ADAMTS14: variants seen among roughly 807,000 people sequenced by gnomAD.
The protein encoded by ADAMTS14 is ADAM metallopeptidase with thrombospondin type 1 motif 14.
A neutral mutation model predicts 128.6 loss-of-function variants in ADAMTS14; 100 were observed. The ratio of observed to expected loss-of-function variants is 0.78; its 90% CI spans 0.66 to 0.92. ADAMTS14 has a LOEUF of 0.92. ADAMTS14 is among the 40% of genes least tolerant of loss of function. The pLI is 0.00. For missense variants in ADAMTS14, 1,562 were observed against 1,658.6 expected (o/e 0.94, Z 1.01); for synonymous variants, 665 against 653.8 (o/e 1.02, Z -0.26).
intron 12 of ADAMTS14, among the ~76,000 whole-genome samples, chr10:70,741,642 A>G (rs1221490485): frequency 5.9e-5 from 9 of 152,202 alleles, no homozygotes; most frequent in Admixed American, 3.3e-4. Flanking sequence ...TTGTGGTTTC[A>G]GCAGAGTCGA....
chr10:70,678,960 C>T (rs59545230), intron 2 of ADAMTS14, among the ~76,000 whole-genome samples: 10,361 of 151,856 alleles, frequency 0.068, 1,060 homozygotes, highest in African/African-American at 0.22. Context: ...ACTTCCCACC[C>T]ACTGTTATGG....
intron 6 of ADAMTS14, among the ~76,000 whole-genome samples, chr10:70,731,136 A>T (rs930952522): frequency 2.0e-5 from 3 of 152,080 alleles, no homozygotes; most frequent in African/African-American, 7.2e-5. Flanking sequence ...GCACACAGAC[A>T]CATGCACACA....
At chr10:70,716,245 C>CA (rs1841037035) in intron 4 of ADAMTS14, among the ~76,000 whole-genome samples, 1 of 152,240 alleles carries the variant, frequency 6.6e-6, no homozygotes. Flanking sequence ...CTTCTGCTCA[C>CA]TGCTGGGTTG....
intron 14 of ADAMTS14, 117 bp downstream of exon 14, chr10:70,744,306 G>A: frequency 3.0e-6 from 4 of 1,330,432 alleles, no homozygotes; most frequent in Non-Finnish European, 3.9e-6. Context: ...AGGGGCCCTG[G>A]GGCCCATCTC....
At chr10:70,717,708 G>A (rs1454695368) in intron 4 of ADAMTS14, among the ~76,000 whole-genome samples, 1 of 152,168 alleles carries the variant, frequency 6.6e-6, no homozygotes, top group Non-Finnish European at 1.5e-5. Context: ...GAGAGACAGA[G>A]AGGCCCTTTC....
At chr10:70,691,797 C>G (rs781013242) in intron 2 of ADAMTS14, among the ~76,000 whole-genome samples, 1 of 152,142 alleles carries the variant, frequency 6.6e-6, no homozygotes, top group Non-Finnish European at 1.5e-5. Context: ...AAGAGGCGTG[C>G]GGTAACCCAG....
chr10:70,745,041 C>G (rs957041772), intron 14 of ADAMTS14, among the ~76,000 whole-genome samples, 185 bp from the exon 15 acceptor site: 1 of 152,074 alleles, frequency 6.6e-6, no homozygotes, highest in African/African-American at 2.4e-5. Flanking sequence ...ATGTCTCATT[C>G]GATCCTCCCA....
chr10:70,732,376 C>T lies in ADAMTS14; in HGVS notation c.1208+17C>T, dbSNP rs780715938. 36 of 1,600,950 alleles carry T rather than the reference C, an allele frequency of 2.2e-5. No individual in the cohort carries two copies. The highest frequency in any genetic ancestry group is 1.7e-4 in the Middle Eastern group (1 of 6,046). On this transcript the variant is annotated intron_variant, in intron 7 of 21. Coordinates refer to ENST00000373207, the MANE Select transcript of ADAMTS14 (RefSeq NM_080722.4). ...CGGCCACGTGTAAGTGGCAGCAGCA[C>T]GGTGGGTGGGACTGGCAGCTGTGCC... is the stretch of plus-strand genomic sequence containing the variant.
intron 13 of ADAMTS14, 30 bp downstream of exon 13, chr10:70,743,711 C>A: frequency 6.5e-7 from 1 of 1,540,722 alleles, no homozygotes; most frequent in Non-Finnish European, 8.8e-7. Flanking sequence ...CCCCGACTAC[C>A]GGCACAGGGA....
At chr10:70,740,873 C>T (rs924605956) in intron 11 of ADAMTS14, 114 bp from the exon 12 acceptor site, 3 of 1,091,784 alleles carry the variant, frequency 2.7e-6, no homozygotes, top group African/African-American at 3.1e-5. Flanking sequence ...TCAGTGGAGG[C>T]CCTTGTCATG....
intron 21 of ADAMTS14, among the ~76,000 whole-genome samples, chr10:70,758,861 C>T (rs191340192): frequency 2.0e-5 from 3 of 152,284 alleles, no homozygotes; most frequent in Admixed American, 2.0e-4. Flanking sequence ...TCCATTCATC[C>T]ACCCACGGAT....
chr10:70,730,122 C>A lies in ADAMTS14; in HGVS notation c.975C>A (p.Arg325=), dbSNP rs75289880. The change falls in exon 6 of 22, where the codon CGC becomes CGA. Residue 325 remains arginine (R), a synonymous_variant. Transcript: ENST00000373207. ...GYRQSLSLIE[R]GNPSRSLEQV... is the part of the protein sequence containing the mutation. ...TGCAGTCCCTGAGCCTGATCGAGCG[C>A]GGGAACCCCTCACGCAGCCTGGAGC... 1,514 of 1,608,178 alleles carry A rather than the reference C, an allele frequency of 9.4e-4. 10 individuals carry two copies. The African/African-American group carries it at 0.019, about 20-fold the overall frequency.
Position 70,689,225 on chromosome 10 carries a change from C to T in ADAMTS14, c.523-13087C>T, listed in dbSNP as rs1334624808. ...GCCACAGTTTTGGGGAAGCGGATCT[C>T]TCACAAGGGTGGTATACCCAAGGGA... On this transcript the variant is annotated intron_variant, in intron 2 of 21. Coordinates refer to ENST00000373207, the MANE Select transcript of ADAMTS14 (RefSeq NM_080722.4). 1.4e-5 allele frequency among the ~76,000 whole-genome samples: 2 copies of T among 144,810 alleles called. 1 individual carries two copies. Among genetic ancestry groups the T allele is most frequent in the Non-Finnish European group, 3.2e-5 (2 of 63,268 alleles).
At position 70,759,241 on chromosome 10, in the gene ADAMTS14, A is replaced by G. The variant is rs543912388; in HGVS notation, c.3178+956A>G. Among the ~76,000 whole-genome samples the G allele has an allele frequency of 3.3e-5, 5 of 151,234 alleles. No individual in the cohort carries two copies. In the South Asian group the frequency reaches 1.0e-3, roughly 32 times the overall value. On this transcript the variant is annotated intron_variant, in intron 21 of 21. Transcript: ENST00000373207. ...ATTCTGGTTCCAGAAATCTGGCGCC[A>G]TCTAGAGGCCACTGGCTTTCCATTT...
At chr10:70,686,873 G>A (rs1589261970) in intron 2 of ADAMTS14, among the ~76,000 whole-genome samples, 4 of 75,204 alleles carry the variant, frequency 5.3e-5, no homozygotes, top group Non-Finnish European at 5.6e-5. Context: ...TGGCTGGGCG[G>A]GGGGGGCTGA....
At chr10:70,702,221 A>G in intron 2 of ADAMTS14, 91 bp from the exon 3 acceptor site, 4 of 1,554,950 alleles carry the variant, frequency 2.6e-6, no homozygotes, top group African/African-American at 2.7e-5. Context: ...AGGGTCACAT[A>G]TGTGCATTCA....
rs45542543 is a variant in ADAMTS14 at position 70,761,188 on chromosome 10, T to C, written c.*335T>C. 63,188 of 241,496 alleles carry C rather than the reference T, an allele frequency of 0.26. 8,790 individuals carry two copies. Among genetic ancestry groups the C allele is most frequent in the Admixed American group, 0.28 (5,625 of 19,908 alleles). The allele number at this position is 241,496 out of a possible 1,614,324, so 15.0% of individuals were successfully genotyped here. A position where few individuals can be genotyped will look rare whatever the true frequency, so the allele number is the denominator to read the frequency against. On this transcript the variant is annotated 3_prime_UTR_variant, in exon 22 of 22. Coordinates refer to ENST00000373207, the MANE Select transcript of ADAMTS14 (RefSeq NM_080722.4). ...GGCCTGGGCAGGTCTGAATCCCGGC[T>C]GGTCTGTAGCTAGAAGCTGTCAGGG... is the stretch of plus-strand genomic sequence containing the variant.
chr10:70,752,230 G>T lies in ADAMTS14; in HGVS notation c.2729+3G>T, dbSNP rs535762023. 6.2e-7 allele frequency: 1 copy of T among 1,613,494 alleles called. No homozygotes were observed. The highest frequency in any genetic ancestry group is 8.5e-7 in the Non-Finnish European group (1 of 1,179,842). On this transcript the variant is annotated splice_donor_region_variant and intron_variant, in intron 18 of 21. Coordinates refer to ENST00000373207, the MANE Select transcript of ADAMTS14 (RefSeq NM_080722.4). ...CAGCACCCGTGCTCTCAGCCTGTGT[G>T]AGTGCTCCCAGGGAGGGACGGGGAG...
At chr10:70,724,060 G>A (rs1305149655) in intron 4 of ADAMTS14, among the ~76,000 whole-genome samples, 2 of 152,178 alleles carry the variant, frequency 1.3e-5, no homozygotes, top group African/African-American at 4.8e-5. Flanking sequence ...CCAAGCCCTT[G>A]GCACAGTGCC....
Sources: gnomAD v4.1 joint callset for allele counts (sites outside exome capture counted in the v4.1 genomes callset) on GRCh38, gnomAD v4.1.1 for gene constraint, MANE v1.5 for transcripts, NCBI Gene and HGNC (gene_info 2026-07-23, HGNC 2026-07-21) for gene names.